Variants in BRD10 observed in about 807,000 individuals in gnomAD.
BRD10 encodes the protein uncharacterized bromodomain-containing protein 10.
the BRD10 span, among the ~76,000 whole-genome samples, chr9:5,955,065 G>A: frequency 1.3e-5 from 2 of 151,814 alleles, no homozygotes; most frequent in African/African-American, 4.8e-5. Flanking sequence ...TCCAGCCTGG[G>A]CAACAATAGT....
the BRD10 span, among the ~76,000 whole-genome samples, chr9:5,893,330 G>T: frequency 1.3e-5 from 2 of 152,262 alleles, no homozygotes; most frequent in South Asian, 4.1e-4. Flanking sequence ...CTCTGCGTGG[G>T]ACTCTAACAG....
the BRD10 span, among the ~76,000 whole-genome samples, chr9:5,881,950 G>A: frequency 6.6e-6 from 1 of 152,196 alleles, no homozygotes; most frequent in Non-Finnish European, 1.5e-5. Flanking sequence ...CAGAGCCCAG[G>A]AACCAGTGGT....
the BRD10 span, among the ~76,000 whole-genome samples, chr9:5,994,228 T>C: frequency 6.6e-6 from 1 of 152,188 alleles, no homozygotes; most frequent in Non-Finnish European, 1.5e-5. Flanking sequence ...AGTATCTAGC[T>C]TAGCTTATGT....
At chr9:5,884,794 C>G in the BRD10 span, among the ~76,000 whole-genome samples, 1 of 152,230 alleles carries the variant, frequency 6.6e-6, no homozygotes, top group Non-Finnish European at 1.5e-5. Context: ...CTTCCTGTGA[C>G]TAGTCACAAA....
chr9:5,892,457 G>A, the BRD10 span: 1 of 1,609,362 alleles, frequency 6.2e-7, no homozygotes. Context: ...TAGGTGTCCT[G>A]TGCCCTGACC....
chr9:5,974,399 A>C, the BRD10 span, among the ~76,000 whole-genome samples: 5 of 152,200 alleles, frequency 3.3e-5, no homozygotes, highest in Non-Finnish European at 5.9e-5. Context: ...TCAAATTTAT[A>C]CTTTCATTTG....
At chr9:5,945,488 T>C in the BRD10 span, among the ~76,000 whole-genome samples, 1 of 152,140 alleles carries the variant, frequency 6.6e-6, no homozygotes, top group African/African-American at 2.4e-5. Flanking sequence ...CTAAACAAAA[T>C]GAAGTACACA....
chr9:5,969,230 A>T, the BRD10 span: 1 of 1,613,906 alleles, frequency 6.2e-7, no homozygotes. Flanking sequence ...ACACTGAGGC[A>T]TCAGAAGACA....
the BRD10 span, among the ~76,000 whole-genome samples, chr9:5,879,759 T>C: frequency 6.5e-4 from 99 of 152,310 alleles, 1 homozygote; most frequent in Non-Finnish European, 1.3e-3. Flanking sequence ...ATGGTCAGCC[T>C]CTCTAGGTTC....
chr9:5,912,307 A>T, the BRD10 span, among the ~76,000 whole-genome samples: 1 of 152,154 alleles, frequency 6.6e-6, no homozygotes, highest in Admixed American at 6.5e-5. Context: ...ACATCATATT[A>T]TCAGCAAACA....
At chr9:5,895,398 A>AT in the BRD10 span, among the ~76,000 whole-genome samples, 42 of 149,574 alleles carry the variant, frequency 2.8e-4, no homozygotes, top group African/African-American at 9.8e-4. Flanking sequence ...TTTTTTTTTA[A>AT]TTTTTTTGCA....
the BRD10 span, among the ~76,000 whole-genome samples, chr9:5,974,164 C>T: frequency 1.3e-5 from 2 of 152,024 alleles, no homozygotes; most frequent in Non-Finnish European, 2.9e-5. Flanking sequence ...ATTACGTATA[C>T]AGGAATGACA....
the BRD10 span, chr9:5,921,355 T>C: frequency 9.9e-6 from 16 of 1,613,846 alleles, no homozygotes; most frequent in Admixed American, 1.7e-5. Flanking sequence ...TCAGTACTAT[T>C]TGGGGTTGCT....
At chr9:5,886,978 G>T in the BRD10 span, among the ~76,000 whole-genome samples, 1 of 152,194 alleles carries the variant, frequency 6.6e-6, no homozygotes, top group Non-Finnish European at 1.5e-5. Context: ...ACAAACAAGG[G>T]CCAGGTGCAG....
chr9:5,915,593 C>T, the BRD10 span, among the ~76,000 whole-genome samples: 1 of 152,200 alleles, frequency 6.6e-6, no homozygotes, highest in East Asian at 1.9e-4. Context: ...TCCCTACATG[C>T]TCCTTGGGCT....
the BRD10 span, among the ~76,000 whole-genome samples, chr9:5,900,018 T>C: frequency 3.3e-5 from 5 of 152,256 alleles, no homozygotes; most frequent in Admixed American, 6.5e-5. Context: ...TTTCATTATA[T>C]ATTTGTATAT....
chr9:5,982,365 G>T, the BRD10 span, among the ~76,000 whole-genome samples: 1 of 152,248 alleles, frequency 6.6e-6, no homozygotes, highest in South Asian at 2.1e-4. Flanking sequence ...TAGGACAGCT[G>T]GTTTGAATAG....
At chr9:5,933,897 A>G in the BRD10 span, 1 of 465,140 alleles carries the variant, frequency 2.1e-6, no homozygotes, top group Non-Finnish European at 4.4e-6. Flanking sequence ...AAGGAAAAAA[A>G]GAGGGACATA....
chr9:5,908,990 T>C, the BRD10 span: 1 of 385,838 alleles, frequency 2.6e-6, no homozygotes, highest in Non-Finnish European at 4.7e-6. Context: ...TGTTATTTTC[T>C]GAGAGACAGA....
Sources: gnomAD v4.1 joint callset for allele counts (sites outside exome capture counted in the v4.1 genomes callset) on GRCh38, gnomAD v4.1.1 for gene constraint, MANE v1.5 for transcripts, NCBI Gene and HGNC (gene_info 2026-07-23, HGNC 2026-07-21) for gene names.